The following HLF variants were observed in gnomAD, a reference collection of about 807,000 sequenced individuals.
The protein encoded by HLF is HLF transcription factor, PAR bZIP family member, also known as hepatic leukemia factor.
Under a neutral mutation model 22.6 loss-of-function variants are expected in HLF, and 3 were observed. The ratio of observed to expected loss-of-function variants is 0.13; its 90% CI spans 0.06 to 0.34. HLF has a LOEUF of 0.34. HLF is among the 10% of genes least tolerant of loss of function. The pLI is 1.00. For synonymous variants in HLF, 151 were observed against 151.8 expected, an observed-to-expected ratio of 0.99 and a Z score of 0.04; for missense variants, 299 against 389.2, an observed-to-expected ratio of 0.77 and a Z score of 1.95.
chr17:55,315,838 C>T (rs1287558741), intron 3 of HLF, among the ~76,000 whole-genome samples: 1 of 152,178 alleles, frequency 6.6e-6, no homozygotes, highest in East Asian at 1.9e-4. Flanking sequence ...GAAGGGTTAC[C>T]TTCCTTTTAG....
At chr17:55,293,105 A>G (rs1043042931) in intron 2 of HLF, among the ~76,000 whole-genome samples, 4 of 152,202 alleles carry the variant, frequency 2.6e-5, no homozygotes, top group African/African-American at 9.6e-5. Flanking sequence ...GTTAACAAGG[A>G]TTTATTGTAT....
chr17:55,295,426 C>T lies in HLF; in HGVS notation c.452-19801C>T, dbSNP rs182992867. 1.4e-3 allele frequency among the ~76,000 whole-genome samples: 206 copies of T among 152,260 alleles called. 3 individuals carry two copies. Among genetic ancestry groups the T allele is most frequent in the Admixed American group, 9.7e-3 (149 of 15,298 alleles). On this transcript the variant is annotated intron_variant, in intron 2 of 3. Coordinates refer to ENST00000226067, the MANE Select transcript of HLF (RefSeq NM_002126.5). ...GGGGAAAAAAACAGAAAATTTAAAA[C>T]GTTTATTTATGATGGCTAATATTCA...
chr17:55,266,652 G>T (rs1179124180), intron 1 of HLF: 2 of 164,910 alleles, frequency 1.2e-5, no homozygotes, highest in African/African-American at 4.8e-5. Context: ...CTGCCTGCAG[G>T]CTTTTGCATC....
chr17:55,276,913 A>G (rs11657135), intron 2 of HLF, among the ~76,000 whole-genome samples: 99,305 of 152,084 alleles, frequency 0.65, 33,465 homozygotes, highest in Admixed American at 0.75. Context: ...TTATTTTGAA[A>G]ATAAATACTC....
In HLF at chr17:55,265,432, G is replaced by GGTGA; in HGVS notation, c.-53_-52insGTGA. ...AAGCTCAGCAACATTTTAGGGGGCG[G>GGTGA]TTGTTTCTTTCTTATTTCTTTTTTT... On this transcript the variant is annotated 5_prime_UTR_variant, in exon 1 of 4. Transcript: ENST00000226067. 1 of 616,038 alleles carries GGTGA rather than the reference G, an allele frequency of 1.6e-6. No individual in the cohort carries two copies. Among genetic ancestry groups the GGTGA allele is most frequent in the Non-Finnish European group, 2.6e-6 (1 of 380,422 alleles). The allele number at this position is 616,038 out of a possible 1,614,324, so 38.2% of individuals were successfully genotyped here. A position where few individuals can be genotyped will look rare whatever the true frequency, so the allele number is the denominator to read the frequency against.
chr17:55,299,147 C>A (rs1468374923), intron 2 of HLF, among the ~76,000 whole-genome samples: 1 of 152,206 alleles, frequency 6.6e-6, no homozygotes, highest in African/African-American at 2.4e-5. Flanking sequence ...GCTCACCGTA[C>A]CCCAAATGAG....
chr17:55,273,916 G>A (rs2080880489), intron 2 of HLF, among the ~76,000 whole-genome samples: 1 of 152,140 alleles, frequency 6.6e-6, no homozygotes, highest in Non-Finnish European at 1.5e-5. Context: ...ATTCTAGCCA[G>A]ACCCCAAACC....
At chr17:55,284,808 T>C (rs1296655465) in intron 2 of HLF, among the ~76,000 whole-genome samples, 1 of 152,204 alleles carries the variant, frequency 6.6e-6, no homozygotes, top group African/African-American at 2.4e-5. Flanking sequence ...TGGGAACAAG[T>C]TGACCACAGG....
chr17:55,291,672 A>G (rs1372688741), intron 2 of HLF, among the ~76,000 whole-genome samples: 1 of 152,226 alleles, frequency 6.6e-6, no homozygotes, highest in Non-Finnish European at 1.5e-5. Flanking sequence ...AATAATTTTG[A>G]CTGTCAAATC....
intron 2 of HLF, among the ~76,000 whole-genome samples, chr17:55,314,521 T>C (rs147125508): frequency 6.6e-6 from 1 of 152,310 alleles, no homozygotes; most frequent in East Asian, 1.9e-4. Flanking sequence ...ATTTGGATTG[T>C]TCAAAATCAT....
Position 55,267,664 on chromosome 17 carries a change from ATAACAG to A in HLF, c.116-86_116-81del, listed in dbSNP as rs1598384601. On this transcript the variant is annotated intron_variant, in intron 1 of 3. Coordinates refer to ENST00000226067, the MANE Select transcript of HLF (RefSeq NM_002126.5). ...CCTGCCATTCGTGAGAAATAGTCTT[ATAACAG>A]GCCAGGAAAAGTGATAAAAGAGCGG... The A allele has an allele frequency of 3.2e-6, 3 of 925,600 alleles. No individual in the cohort carries two copies. The East Asian group carries it at 7.9e-5, about 24-fold the overall frequency. 57.3% of individuals were successfully genotyped at this position (925,600 alleles called of 1,614,324 possible).
chr17:55,266,846 G>A (rs2080796382), intron 1 of HLF: 5 of 976,418 alleles, frequency 5.1e-6, no homozygotes, highest in South Asian at 4.7e-5. Context: ...TGGGCGAGCA[G>A]TACTTCCAGG....
chr17:55,268,839 C>G (rs1228548221), intron 2 of HLF, among the ~76,000 whole-genome samples: 3 of 151,864 alleles, frequency 2.0e-5, no homozygotes, highest in African/African-American at 7.3e-5. Context: ...AAATAGTACA[C>G]AAAAATATCA....
At chr17:55,312,808 AT>A (rs1904892868) in intron 2 of HLF, among the ~76,000 whole-genome samples, 1 of 152,236 alleles carries the variant, frequency 6.6e-6, no homozygotes, top group Non-Finnish European at 1.5e-5. Context: ...CATTTAAAAA[AT>A]TAATGATGCA....
At position 55,322,740 on chromosome 17, in the gene HLF, A is replaced by C. The variant is rs768519243; in HGVS notation, c.*1861A>C. The C allele has an allele frequency of 2.7e-5, 6 of 223,298 alleles. No individual in the cohort carries two copies. The highest frequency in any genetic ancestry group is 4.5e-5 in the Non-Finnish European group (5 of 111,598). The allele number at this position is 223,298 out of a possible 1,614,324, so 13.8% of individuals were successfully genotyped here. On this transcript the variant is annotated 3_prime_UTR_variant, in exon 4 of 4. Transcript: ENST00000226067. ...AAAAGCATCTGCCACAAAAATGTTCACTTCGAAATTCTGAGTTCCTGGAAT... is the reference window on the plus strand; with the variant it reads ...AAAAGCATCTGCCACAAAAATGTTCCCTTCGAAATTCTGAGTTCCTGGAAT...
In HLF at chr17:55,315,296, G is replaced by A. The variant is rs776441842; in HGVS notation, c.521G>A (p.Gly174Asp). Reference protein sequence around the residue: ...IDPDTIQVPVGYEPDPADLAL... With the variant: ...IDPDTIQVPVDYEPDPADLAL... ...CCTGACACCATCCAGGTCCCAGTGGGTTATGAGCCAGACCCAGCAGATCTT... is the reference window on the plus strand; with the variant it reads ...CCTGACACCATCCAGGTCCCAGTGGATTATGAGCCAGACCCAGCAGATCTT... The change falls in exon 3 of 4, where the codon GGT becomes GAT. Residue 174 changes from glycine to aspartate, a missense_variant. By Grantham distance (94) the Gly-to-Asp change is moderately conservative (BLOSUM62 -1). Transcript: ENST00000226067. 1.9e-6 allele frequency: 3 copies of A among 1,614,178 alleles called. No homozygotes were observed. The highest frequency in any genetic ancestry group is 2.5e-6 in the Non-Finnish European group (3 of 1,180,022).
chr17:55,285,602 A>T (rs118163090), intron 2 of HLF, among the ~76,000 whole-genome samples: 5 of 152,220 alleles, frequency 3.3e-5, no homozygotes, highest in Non-Finnish European at 7.4e-5. Flanking sequence ...CAGTCTAGAG[A>T]TCACATTTTA....
chr17:55,265,457 T>G lies in HLF; in HGVS notation c.-28T>G. ...GTTGTTTCTTTCTTATTTCTTTTTT[T>G]AAGGGGAAAAAATTTGAGTGCATCG... On this transcript the variant is annotated 5_prime_UTR_variant, in exon 1 of 4. Transcript: ENST00000226067. 7.3e-7 allele frequency: 1 copy of G among 1,372,580 alleles called. No individual in the cohort carries two copies. Among genetic ancestry groups the G allele is most frequent in the South Asian group, 1.2e-5 (1 of 84,566 alleles). 85.0% of individuals were successfully genotyped at this position (1,372,580 alleles called of 1,614,324 possible). A position where few individuals can be genotyped will look rare whatever the true frequency, so the allele number is the denominator to read the frequency against.
intron 2 of HLF, 28 bp from the exon 3 acceptor site, chr17:55,315,199 A>T: frequency 6.3e-7 from 1 of 1,591,516 alleles, no homozygotes; most frequent in South Asian, 1.1e-5. Flanking sequence ...TAGGGTGTTC[A>T]TGAATTAAAA....
Sources: gnomAD v4.1 joint callset for allele counts (sites outside exome capture counted in the v4.1 genomes callset) on GRCh38, gnomAD v4.1.1 for gene constraint, MANE v1.5 for transcripts, NCBI Gene and HGNC (gene_info 2026-07-23, HGNC 2026-07-21) for gene names.